Variants in INPP4B observed in about 807,000 individuals in gnomAD.
The protein encoded by INPP4B is inositol polyphosphate-4-phosphatase type II B.
Under a neutral mutation model 122.5 loss-of-function variants are expected in INPP4B, and 55 were observed. That is an observed-to-expected ratio of 0.45 (90% CI 0.36 to 0.56). The LOEUF is 0.56. Ranked by LOEUF, INPP4B falls within the 20% of genes least tolerant of loss-of-function variation. The probability of loss-of-function intolerance (pLI) is 0.00; values close to 1 mark genes in which losing one functional copy is unlikely to be tolerated. For missense variants in INPP4B, 1,000 were observed against 1,097.7 expected (o/e 0.91, Z 1.26); for synonymous variants, 403 against 388.7 (o/e 1.04, Z -0.43).
At chr4:142,515,260 A>T (rs1480920982) in intron 2 of INPP4B, among the ~76,000 whole-genome samples, 1 of 152,156 alleles carries the variant, frequency 6.6e-6, no homozygotes, top group Non-Finnish European at 1.5e-5. Context: ...TTTCACTCAG[A>T]TGAATTGTTT....
chr4:142,659,083 T>C (rs1754677112), intron 2 of INPP4B, among the ~76,000 whole-genome samples: 1 of 152,026 alleles, frequency 6.6e-6, no homozygotes, highest in Non-Finnish European at 1.5e-5. Context: ...AACCATTCAG[T>C]CCTATAATTT....
intron 18 of INPP4B, among the ~76,000 whole-genome samples, chr4:142,128,206 A>ATG (rs57366796): frequency 0.022 from 3,279 of 150,778 alleles, 30 homozygotes; most frequent in Non-Finnish European, 0.033. Context: ...AAATATATAT[A>ATG]TGTGTGTGTG....
intron 2 of INPP4B, among the ~76,000 whole-genome samples, chr4:142,474,665 G>A (rs1819510997): frequency 6.6e-6 from 1 of 152,110 alleles, no homozygotes; most frequent in Admixed American, 6.5e-5. Flanking sequence ...TCCTGCTGCT[G>A]GTAGCCAGGC....
chr4:142,494,949 A>G (rs1822346022), intron 2 of INPP4B, among the ~76,000 whole-genome samples: 1 of 152,150 alleles, frequency 6.6e-6, no homozygotes, highest in African/African-American at 2.4e-5. Flanking sequence ...AATTCGTGCA[A>G]TGTCTGTTGC....
chr4:142,395,912 G>T (rs1799215842), intron 7 of INPP4B, among the ~76,000 whole-genome samples: 1 of 152,094 alleles, frequency 6.6e-6, no homozygotes, highest in South Asian at 2.1e-4. Flanking sequence ...GAAAAATGAG[G>T]AGTTGCTAAT....
chr4:142,431,765 C>T (rs1006061529), intron 3 of INPP4B, among the ~76,000 whole-genome samples: 5 of 152,082 alleles, frequency 3.3e-5, no homozygotes, highest in Admixed American at 6.6e-5. Context: ...TACTATCGTT[C>T]TTTCCATTAG....
At chr4:142,726,824 C>T (rs1765400358) in intron 1 of INPP4B, among the ~76,000 whole-genome samples, 1 of 152,162 alleles carries the variant, frequency 6.6e-6, no homozygotes, top group African/African-American at 2.4e-5. Context: ...TGTAAGTCTT[C>T]ATTTTTCATC....
intron 2 of INPP4B, among the ~76,000 whole-genome samples, chr4:142,654,910 C>T (rs1753840780): frequency 6.6e-6 from 1 of 152,142 alleles, no homozygotes; most frequent in Non-Finnish European, 1.5e-5. Context: ...CACAGAGGAT[C>T]ACTCCCTGTG....
chr4:142,651,468 C>G (rs1464174435), intron 2 of INPP4B, among the ~76,000 whole-genome samples: 1 of 151,908 alleles, frequency 6.6e-6, no homozygotes, highest in Non-Finnish European at 1.5e-5. Flanking sequence ...ATTGATAGAC[C>G]ACTAGCAAGA....
At chr4:142,235,534 G>A (rs187300034) in intron 12 of INPP4B, among the ~76,000 whole-genome samples, 7 of 152,120 alleles carry the variant, frequency 4.6e-5, no homozygotes, top group African/African-American at 1.7e-4. Flanking sequence ...CCATTCTTCC[G>A]CCTCAGCCTC....
At chr4:142,069,623 T>C (rs1424413746) in intron 25 of INPP4B, among the ~76,000 whole-genome samples, 2 of 151,866 alleles carry the variant, frequency 1.3e-5, no homozygotes, top group Non-Finnish European at 2.9e-5. Flanking sequence ...AAGAATCAAA[T>C]AGATGCAATA....
rs149069073 is a variant in INPP4B at position 142,162,458 on chromosome 4, A to G, written c.1360-1897T>C. Among the ~76,000 whole-genome samples, 18 of 151,992 alleles carry G rather than the reference A, an allele frequency of 1.2e-4. No homozygotes were observed. In the East Asian group the frequency reaches 2.7e-3, roughly 23 times the overall value. ...CAGTGTGACTTTAAATATTAAAAGC[A>G]TGAATTTACTCCCATTCAGCTTAAC... On this transcript the variant is annotated intron_variant, in intron 16 of 25. Transcript: ENST00000262992.
rs79119041 is a variant in INPP4B at position 142,174,391 on chromosome 4, T to A, written c.1182-582A>T. Among the ~76,000 whole-genome samples, 730 of 152,230 alleles carry A rather than the reference T, an allele frequency of 4.8e-3. 7 individuals are homozygous for A. The highest frequency in any genetic ancestry group is 0.017 in the African/African-American group (703 of 41,548). On this transcript the variant is annotated intron_variant, in intron 15 of 25. Transcript: ENST00000262992. ...GCATTCAATACCTACTACCTAACAT[T>A]TCCCCCCATGTTACTAGGTGAGGGG...
chr4:142,280,531 T>C (rs1239373899), intron 9 of INPP4B, among the ~76,000 whole-genome samples: 1 of 151,732 alleles, frequency 6.6e-6, no homozygotes, highest in Admixed American at 6.6e-5. Context: ...TGGCCAGGGG[T>C]TGGTGTGGGT....
chr4:142,386,087 A>G (rs1352348986), intron 7 of INPP4B, among the ~76,000 whole-genome samples: 2 of 152,036 alleles, frequency 1.3e-5, no homozygotes, highest in Admixed American at 6.6e-5. Flanking sequence ...CTCTATTTCT[A>G]TGAGTTCAAC....
At chr4:142,143,015 C>T (rs1014847319) in intron 18 of INPP4B, among the ~76,000 whole-genome samples, 8 of 152,010 alleles carry the variant, frequency 5.3e-5, no homozygotes, top group African/African-American at 1.7e-4. Flanking sequence ...TTCTCTGCCT[C>T]GGCCCCATGT....
intron 2 of INPP4B, among the ~76,000 whole-genome samples, chr4:142,574,164 A>G (rs1008984501): frequency 1.3e-5 from 2 of 152,096 alleles, no homozygotes; most frequent in African/African-American, 4.8e-5. Flanking sequence ...ACCATTTCCA[A>G]CATTATATCC....
In INPP4B at chr4:142,122,306, CTA is replaced by C. The variant is rs1167423456; in HGVS notation, c.2018-63_2018-62del. 4.3e-6 allele frequency: 5 copies of C among 1,152,286 alleles called. No homozygotes were observed. The Admixed American group carries it at 9.2e-5, about 21-fold the overall frequency. The allele number at this position is 1,152,286 out of a possible 1,614,324, so 71.4% of individuals were successfully genotyped here. A position where few individuals can be genotyped will look rare whatever the true frequency, so the allele number is the denominator to read the frequency against. ...CATTTGAGGAAAATGTCACTAGCTACTATGCCTCCCTGCTGGAATTTGTTCTA... is the reference window on the plus strand; with the variant it reads ...CATTTGAGGAAAATGTCACTAGCTACTGCCTCCCTGCTGGAATTTGTTCTA... On this transcript the variant is annotated intron_variant, in intron 20 of 25. Coordinates refer to ENST00000262992, the MANE Select transcript of INPP4B (RefSeq NM_001101669.3).
At chr4:142,422,444 T>G (rs1807124402) in intron 5 of INPP4B, among the ~76,000 whole-genome samples, 1 of 151,968 alleles carries the variant, frequency 6.6e-6, no homozygotes, top group South Asian at 2.1e-4. Context: ...TGACTTGTCA[T>G]TAGAAGGCGC....
Sources: allele counts gnomAD v4.1 joint callset (sites outside exome capture counted in the v4.1 genomes callset), GRCh38; gene constraint gnomAD v4.1.1; transcripts MANE v1.5; gene names NCBI Gene and HGNC (gene_info 2026-07-23, HGNC 2026-07-21).